The following ZNF536 variants were observed in gnomAD, a reference collection of about 807,000 sequenced individuals.
ZNF536 encodes the protein zinc finger protein 536.
Under a neutral mutation model 84.5 loss-of-function variants are expected in ZNF536, and 13 were observed. That is an observed-to-expected ratio of 0.15 (90% CI 0.10 to 0.24). The LOEUF (loss-of-function observed/expected upper bound fraction) is 0.24, where lower values mean the gene tolerates loss of function less well. Among genes scored for constraint, ZNF536 ranks in the 10% least tolerant of loss-of-function variants. ZNF536 has a pLI of 1.00. For synonymous variants in ZNF536, 811 were observed against 742.5 expected (o/e 1.09, Z -1.50); for missense variants, 1,536 against 1,747.5 (o/e 0.88, Z 2.16).
At chr19:30,304,553 G>A (rs1225861729) in intron 2 of ZNF536, among the ~76,000 whole-genome samples, 1 of 152,172 alleles carries the variant, frequency 6.6e-6, no homozygotes, top group Non-Finnish European at 1.5e-5. Context: ...ACCTCTGCGG[G>A]GGCCAACCAC....
intron 1 of ZNF536, among the ~76,000 whole-genome samples, chr19:30,664,730 C>T (rs536909322): frequency 1.7e-4 from 26 of 152,286 alleles, no homozygotes; most frequent in African/African-American, 6.3e-4. Flanking sequence ...AAAATCCTGG[C>T]CTTTGAACAC....
intron 1 of ZNF536, among the ~76,000 whole-genome samples, chr19:30,255,103 G>A (rs1048292252): frequency 6.6e-6 from 1 of 152,148 alleles, no homozygotes; most frequent in African/African-American, 2.4e-5. Flanking sequence ...TTAGCACCGT[G>A]TGGCATAATT....
At chr19:30,551,522 A>C (rs118055878) in intron 4 of ZNF536, among the ~76,000 whole-genome samples, 1,768 of 151,996 alleles carry the variant, frequency 0.012, 16 homozygotes, top group Non-Finnish European at 0.018. Context: ...TGCCCAGTCC[A>C]CCCTTCAGCC....
intron 2 of ZNF536, among the ~76,000 whole-genome samples, chr19:30,473,849 C>T (rs750105625): frequency 2.0e-5 from 3 of 152,176 alleles, no homozygotes; most frequent in East Asian, 3.9e-4. Context: ...GATGAATGTT[C>T]GTGAAATCAA....
intron 2 of ZNF536, among the ~76,000 whole-genome samples, chr19:30,313,907 A>C (rs902566186): frequency 1.1e-4 from 16 of 152,218 alleles, no homozygotes; most frequent in African/African-American, 3.9e-4. Context: ...GCTCCGCACT[A>C]TGCGGACTTC....
intron 2 of ZNF536, among the ~76,000 whole-genome samples, chr19:30,463,075 T>A (rs901837489): frequency 6.6e-6 from 1 of 151,670 alleles, no homozygotes; most frequent in African/African-American, 2.4e-5. Context: ...ATGGGGTGTG[T>A]GTTGTGTGGA....
intron 1 of ZNF536, among the ~76,000 whole-genome samples, chr19:30,615,136 G>A (rs937592361): frequency 2.7e-5 from 4 of 146,926 alleles, no homozygotes; most frequent in Admixed American, 6.8e-5. Flanking sequence ...TAGTAGAGAC[G>A]GGGTTTCACC....
chr19:30,578,325 C>T (rs940405232), intron 1 of ZNF536, among the ~76,000 whole-genome samples: 3 of 152,208 alleles, frequency 2.0e-5, no homozygotes, highest in Admixed American at 6.5e-5. Flanking sequence ...GCCCGCGAAG[C>T]GCAGTGTTTT....
intron 1 of ZNF536, among the ~76,000 whole-genome samples, chr19:30,267,570 A>T (rs1451476444): frequency 1.3e-5 from 2 of 152,084 alleles, no homozygotes; most frequent in Non-Finnish European, 2.9e-5. Context: ...CCTGCCTGGC[A>T]TCATGGGAAG....
At chr19:30,649,549 C>CTTTTTTTT (rs35137042) in intron 1 of ZNF536, among the ~76,000 whole-genome samples, 3 of 123,880 alleles carry the variant, frequency 2.4e-5, no homozygotes, top group African/African-American at 3.0e-5. Flanking sequence ...CAGCATTTTC[C>CTTTTTTTT]TTTTTTTTTT....
chr19:30,611,314 G>A (rs1019979266), intron 1 of ZNF536, among the ~76,000 whole-genome samples: 2 of 152,142 alleles, frequency 1.3e-5, no homozygotes, highest in Non-Finnish European at 2.9e-5. Flanking sequence ...AATCTCAAGT[G>A]AGGGGGAGCC....
At chr19:30,442,176 T>C (rs1026294861) in intron 1 of ZNF536, among the ~76,000 whole-genome samples, 1 of 152,138 alleles carries the variant, frequency 6.6e-6, no homozygotes, top group African/African-American at 2.4e-5. Context: ...TAGCTGGAAA[T>C]AGAAGGATCC....
chr19:30,509,166 T>C (rs970109980), intron 2 of ZNF536, among the ~76,000 whole-genome samples: 2 of 149,728 alleles, frequency 1.3e-5, no homozygotes, highest in Non-Finnish European at 3.0e-5. Flanking sequence ...GGGATTGAGA[T>C]TTTTTCCAAA....
intron 1 of ZNF536, among the ~76,000 whole-genome samples, chr19:30,651,011 T>C (rs1357175491): frequency 1.3e-5 from 2 of 152,218 alleles, no homozygotes; most frequent in African/African-American, 4.8e-5. Context: ...TAATTCAAAG[T>C]ACAGTCAGAA....
intron 1 of ZNF536, among the ~76,000 whole-genome samples, chr19:30,684,000 A>G (rs2051075879): frequency 6.6e-6 from 1 of 152,184 alleles, no homozygotes; most frequent in Admixed American, 6.5e-5. Context: ...GATCACTCAT[A>G]TATTTTTCTC....
At chr19:30,463,445 G>A (rs1039833316) in intron 2 of ZNF536, among the ~76,000 whole-genome samples, 1 of 152,202 alleles carries the variant, frequency 6.6e-6, no homozygotes, top group Non-Finnish European at 1.5e-5. Flanking sequence ...GGAAGAAGCT[G>A]GGGCTTGAGG....
At chr19:30,510,941 G>A (rs2055387167) in intron 2 of ZNF536, among the ~76,000 whole-genome samples, 1 of 152,184 alleles carries the variant, frequency 6.6e-6, no homozygotes, top group Admixed American at 6.5e-5. Flanking sequence ...GCCCGGGTCA[G>A]GCGTAGAGTG....
intron 1 of ZNF536, among the ~76,000 whole-genome samples, chr19:30,403,699 GT>G (rs1282662016): frequency 1.4e-4 from 21 of 152,220 alleles, no homozygotes; most frequent in African/African-American, 4.8e-4. Flanking sequence ...CAGCCTCCCT[GT>G]CTGCTGCTGC....
At chr19:30,488,690 G>A (rs959485162) in intron 2 of ZNF536, among the ~76,000 whole-genome samples, 2 of 152,046 alleles carry the variant, frequency 1.3e-5, no homozygotes, top group Admixed American at 6.5e-5. Context: ...GGCAGAGGGC[G>A]GGTTGAGGGG....
Sources: gnomAD v4.1 joint callset for allele counts (sites outside exome capture counted in the v4.1 genomes callset) on GRCh38, gnomAD v4.1.1 for gene constraint, MANE v1.5 for transcripts, NCBI Gene and HGNC (gene_info 2026-07-23, HGNC 2026-07-21) for gene names.